The following TNPO3 variants were observed in gnomAD, a reference collection of about 807,000 sequenced individuals.
The protein encoded by TNPO3 is transportin 3.
In TNPO3, 65 loss-of-function variants were observed where a neutral mutation model predicts 122.8. The ratio of observed to expected loss-of-function variants is 0.53; its 90% confidence interval spans 0.43 to 0.65. The LOEUF is 0.65. Among genes scored for constraint, TNPO3 ranks in the 30% least tolerant of loss-of-function variants. The pLI is 0.00. For synonymous variants in TNPO3, 372 were observed against 411.2 expected (o/e 0.90, Z 1.15); for missense variants, 850 against 1,136.7 (o/e 0.75, Z 3.63).
intron 4 of TNPO3, among the ~76,000 whole-genome samples, chr7:129,010,365 G>T (rs1034446993): frequency 2.0e-5 from 3 of 151,840 alleles, no homozygotes; most frequent in Non-Finnish European, 4.4e-5. Context: ...ACAGGCTCTT[G>T]CTATGTTGCC....
intron 21 of TNPO3, among the ~76,000 whole-genome samples, chr7:128,957,955 A>G (rs1026034436): frequency 1.6e-4 from 25 of 152,130 alleles, no homozygotes; most frequent in African/African-American, 5.6e-4. Context: ...TGTGATATGA[A>G]TAGCCCAATA....
chr7:128,998,975 T>G (rs999297847), intron 7 of TNPO3, among the ~76,000 whole-genome samples: 1 of 152,142 alleles, frequency 6.6e-6, no homozygotes, highest in African/African-American at 2.4e-5. Flanking sequence ...TGCCTCAGCC[T>G]CCTGAGTAGC....
chr7:129,039,816 T>C (rs536831888), intron 1 of TNPO3, among the ~76,000 whole-genome samples: 6 of 152,236 alleles, frequency 3.9e-5, no homozygotes, highest in Non-Finnish European at 7.4e-5. Context: ...AAGAAGACAG[T>C]CACAAAGGAT....
At chr7:129,003,186 G>A (rs11765050) in intron 5 of TNPO3, among the ~76,000 whole-genome samples, 73,172 of 150,912 alleles carry the variant, frequency 0.48, 17,943 homozygotes, top group African/African-American at 0.5. Context: ...TTGTGCCACT[G>A]CACTCCAGCC....
Position 129,005,094 on chromosome 7 carries a change from T to C in TNPO3, c.618A>G (p.Gly206=), listed in dbSNP as rs1037480154. 1.2e-5 allele frequency: 20 copies of C among 1,613,924 alleles called. No homozygotes were observed. Among genetic ancestry groups the C allele is most frequent in the Non-Finnish European group, 1.6e-5 (19 of 1,179,948 alleles). ...CCAAAACTCCCAAGTTAAACCAACT[T>C]CCCAAACAGCGAAAAACCTTCATAA... The part of the protein sequence containing the change: ...KMLMKVFRCL[G]SWFNLGVLDS... The change falls in exon 5 of 23, where the codon GGA becomes GGG. Residue 206 remains glycine, a synonymous_variant. Transcript: ENST00000265388.
intron 20 of TNPO3, among the ~76,000 whole-genome samples, chr7:128,968,324 ATATAAG>A (rs1189787256): frequency 3.3e-5 from 5 of 152,266 alleles, no homozygotes; most frequent in Admixed American, 3.3e-4. Context: ...TATATTTTTT[ATATAAG>A]TATATCTAAG....
chr7:128,984,123 G>T, intron 13 of TNPO3, 45 bp downstream of exon 13: 1 of 1,261,932 alleles, frequency 7.9e-7, no homozygotes, highest in Non-Finnish European at 1.1e-6. Flanking sequence ...TTTTTAACAT[G>T]TAAACATCTT....
chr7:129,033,398 C>A (rs1445355162), intron 1 of TNPO3, among the ~76,000 whole-genome samples: 2 of 152,010 alleles, frequency 1.3e-5, no homozygotes, highest in Non-Finnish European at 2.9e-5. Context: ...TACCTCACAC[C>A]CAATAGAATG....
chr7:129,039,524 C>T (rs1462627114), intron 1 of TNPO3, among the ~76,000 whole-genome samples: 1 of 152,072 alleles, frequency 6.6e-6, no homozygotes. Flanking sequence ...CACACCCCCA[C>T]ACTCCATCCT....
chr7:129,020,619 T>C (rs1804374528), intron 1 of TNPO3, among the ~76,000 whole-genome samples: 1 of 152,090 alleles, frequency 6.6e-6, no homozygotes, highest in Non-Finnish European at 1.5e-5. Context: ...TTTGTATTTT[T>C]TTGTAGAGAT....
At chr7:129,016,331 T>C (rs756526298) in intron 3 of TNPO3, among the ~76,000 whole-genome samples, 13 of 152,060 alleles carry the variant, frequency 8.5e-5, no homozygotes, top group Non-Finnish European at 1.6e-4. Flanking sequence ...GAGGTGGAGG[T>C]TGCAGTGAGC....
chr7:129,030,664 CTATT>C (rs1323309550), intron 1 of TNPO3: 7 of 151,928 alleles, frequency 4.6e-5, no homozygotes, highest in African/African-American at 1.7e-4. Context: ...ACTATGGAAA[CTATT>C]TAAATATTTG....
At chr7:128,960,815 G>A (rs60239254) in intron 21 of TNPO3, among the ~76,000 whole-genome samples, 74,021 of 151,440 alleles carry the variant, frequency 0.49, 18,291 homozygotes, top group African/African-American at 0.51. Flanking sequence ...GCTGGAGTGC[G>A]GTGGCACAAT....
chr7:129,001,513 TA>T (rs1801947538), intron 5 of TNPO3, among the ~76,000 whole-genome samples: 1 of 152,210 alleles, frequency 6.6e-6, no homozygotes, highest in Non-Finnish European at 1.5e-5. Context: ...CCATTTTATA[TA>T]AGGGACTTGG....
chr7:128,968,893 AT>A lies in TNPO3; in HGVS notation c.2598+1254del, dbSNP rs1290116278. Among the ~76,000 whole-genome samples, 1,171 of 149,728 alleles carry A rather than the reference AT, an allele frequency of 7.8e-3. 11 individuals carry two copies. The highest frequency in any genetic ancestry group is 0.014 in the Non-Finnish European group (916 of 67,282). On this transcript the variant is annotated intron_variant, in intron 20 of 22. Transcript: ENST00000265388. ...ACCCAGCTAATTAAAAAGAAAAAAA[AT>A]TTTTTTTTTTTTTGTAGGGATGGGG... is the stretch of plus-strand genomic sequence containing the variant.
chr7:128,956,118 TCAGCTAACCCAGA>T (rs1249672842), intron 22 of TNPO3, among the ~76,000 whole-genome samples: 1 of 152,234 alleles, frequency 6.6e-6, no homozygotes, highest in Non-Finnish European at 1.5e-5. Context: ...TGTATCAATG[TCAGCTAACCCAGA>T]CACCATGCAA....
intron 5 of TNPO3, among the ~76,000 whole-genome samples, chr7:129,002,273 G>A (rs943321046): frequency 2.0e-5 from 3 of 152,168 alleles, no homozygotes; most frequent in African/African-American, 7.2e-5. Context: ...TTATTTGAGG[G>A]GGTTTGAGAA....
intron 1 of TNPO3, among the ~76,000 whole-genome samples, chr7:129,025,420 T>G: frequency 8.4e-6 from 1 of 119,482 alleles, no homozygotes; most frequent in East Asian, 2.6e-4. Flanking sequence ...AACTATGAAG[T>G]GTGAGATTGC....
In TNPO3 at chr7:128,975,716, A is replaced by C. The variant is rs375420333; in HGVS notation, c.2178+103T>G. 6.7e-6 allele frequency: 5 copies of C among 746,834 alleles called. No individual in the cohort carries two copies. The South Asian group carries it at 7.1e-5, about 11-fold the overall frequency. The allele number at this position is 746,834 out of a possible 1,614,324, so 46.3% of individuals were successfully genotyped here. A position where few individuals can be genotyped will look rare whatever the true frequency, so the allele number is the denominator to read the frequency against. ...TTAGGAAATCAACATGCCTGGGGGA[A>C]AACATAAAGAAGCAACAGAATTAAA... On this transcript the variant is annotated intron_variant, in intron 17 of 22. Transcript: ENST00000265388.
Sources: allele counts gnomAD v4.1 joint callset (sites outside exome capture counted in the v4.1 genomes callset), GRCh38; gene constraint gnomAD v4.1.1; transcripts MANE v1.5; gene names NCBI Gene and HGNC (gene_info 2026-07-23, HGNC 2026-07-21).